Variants in ATP23 observed in about 807,000 individuals in gnomAD.
ATP23 encodes ATP23 metallopeptidase and ATP synthase assembly factor homolog.
ATP23 carries 24 observed loss-of-function variants against 28.5 expected under a neutral mutation model. The ratio of observed to expected loss-of-function variants is 0.84; its 90% CI spans 0.61 to 1.18. ATP23 has a LOEUF of 1.18. Ranked by LOEUF, ATP23 falls within the 50% of genes most tolerant of loss-of-function variation. ATP23 has a pLI of 0.00. For missense variants in ATP23, 274 were observed against 306.4 expected (o/e 0.89, Z 0.79); for synonymous variants, 99 against 108.6 (o/e 0.91, Z 0.55).
intron 3 of ATP23, 79 bp downstream of exon 3, chr12:57,947,155 C>A: frequency 7.4e-7 from 1 of 1,348,112 alleles, no homozygotes. Context: ...ACATGCTCGG[C>A]ATTCTGTTTG....
intron 3 of ATP23, 30 bp downstream of exon 3, chr12:57,947,106 C>T: frequency 2.5e-6 from 4 of 1,592,890 alleles, no homozygotes; most frequent in Non-Finnish European, 3.4e-6. Context: ...TGTTTCCTTC[C>T]CTTTAATCCT....
intron 2 of ATP23, among the ~76,000 whole-genome samples, chr12:57,946,736 G>A (rs919275999): frequency 6.6e-6 from 1 of 152,216 alleles, no homozygotes; most frequent in South Asian, 2.1e-4. Context: ...GATTACAGGC[G>A]TGAGCCACCG....
chr12:57,950,140 C>T (rs772604955), intron 3 of ATP23, among the ~76,000 whole-genome samples: 1 of 152,196 alleles, frequency 6.6e-6, no homozygotes, highest in African/African-American at 2.4e-5. Flanking sequence ...CCTATTCTTC[C>T]AACTATAGTT....
Position 57,941,577 on chromosome 12 carries a change from G to C in ATP23, c.-125G>C. ...CCGCCTAACGTCTTCAGCCCAGCCA[G>C]GCTGCCCTTCTTCCCTGCGGAGGGA... On this transcript the variant is annotated 5_prime_UTR_variant, in exon 1 of 6. Transcript: ENST00000300145. The C allele has an allele frequency of 7.6e-7, 1 of 1,319,610 alleles. No individual in the cohort carries two copies. Among genetic ancestry groups the C allele is most frequent in the East Asian group, 2.6e-5 (1 of 38,396 alleles). The allele number at this position is 1,319,610 out of a possible 1,614,324, so 81.7% of individuals were successfully genotyped here.
At chr12:57,954,288 T>C (rs546693482) in intron 5 of ATP23, among the ~76,000 whole-genome samples, 1 of 152,018 alleles carries the variant, frequency 6.6e-6, no homozygotes, top group East Asian at 1.9e-4. Context: ...TCACAGCATG[T>C]CTTACTGTTA....
chr12:57,948,864 C>CT (rs1212386080), intron 3 of ATP23, among the ~76,000 whole-genome samples: 1 of 152,158 alleles, frequency 6.6e-6, no homozygotes, highest in African/African-American at 2.4e-5. Flanking sequence ...TAGTTGCCTG[C>CT]TTTTGAGCTT....
chr12:57,950,818 T>C (rs997895866), intron 3 of ATP23, among the ~76,000 whole-genome samples: 1 of 152,218 alleles, frequency 6.6e-6, no homozygotes, highest in Non-Finnish European at 1.5e-5. Context: ...CATGAGCCAC[T>C]GCACCCAACC....
chr12:57,957,471 A>G lies in ATP23; in HGVS notation c.*581A>G, dbSNP rs1956879480. 6.6e-6 allele frequency among the ~76,000 whole-genome samples: 1 copy of G among 152,152 alleles called. No individual in the cohort carries two copies. Among genetic ancestry groups the G allele is most frequent in the Non-Finnish European group, 1.5e-5 (1 of 68,022 alleles). ...CGAATTTTAGCTCCAGATCGACTGC[A>G]AGAACAAACCAGCAATACTGAGAGG... is the stretch of plus-strand genomic sequence containing the variant. On this transcript the variant is annotated 3_prime_UTR_variant, in exon 6 of 6. Coordinates refer to ENST00000300145, the MANE Select transcript of ATP23 (RefSeq NM_033276.4).
chr12:57,954,194 CAAA>C (rs11357155), intron 5 of ATP23, among the ~76,000 whole-genome samples: 1 of 71,432 alleles, frequency 1.4e-5, no homozygotes. Flanking sequence ...GACTCCATCT[CAAA>C]AAAAAAAAAA....
At chr12:57,952,674 T>A (rs1055030244) in intron 4 of ATP23, among the ~76,000 whole-genome samples, 2 of 152,228 alleles carry the variant, frequency 1.3e-5, no homozygotes, top group African/African-American at 4.8e-5. Context: ...TGTAGCCCCC[T>A]GCATCTAATT....
intron 3 of ATP23, among the ~76,000 whole-genome samples, chr12:57,947,353 G>T (rs1006194687): frequency 6.6e-6 from 1 of 152,154 alleles, no homozygotes; most frequent in South Asian, 2.1e-4. Context: ...TGATGTGATC[G>T]ATTGAAAGAT....
At chr12:57,953,968 G>A (rs1956840491) in intron 5 of ATP23, among the ~76,000 whole-genome samples, 1 of 152,070 alleles carries the variant, frequency 6.6e-6, no homozygotes, top group Non-Finnish European at 1.5e-5. Flanking sequence ...GCCGAGGCGG[G>A]CGGATCACGA....
At chr12:57,950,125 T>G (rs1956800399) in intron 3 of ATP23, among the ~76,000 whole-genome samples, 1 of 152,238 alleles carries the variant, frequency 6.6e-6, no homozygotes, top group African/African-American at 2.4e-5. Flanking sequence ...TTTGGCCATC[T>G]CCTGCCTATT....
chr12:57,957,465 G>A lies in ATP23; in HGVS notation c.*575G>A, dbSNP rs868000625. Among the ~76,000 whole-genome samples, 5 of 151,956 alleles carry A rather than the reference G, an allele frequency of 3.3e-5. No homozygotes were observed. The highest frequency in any genetic ancestry group is 1.3e-4 in the Admixed American group (2 of 15,262). ...AGTGCTCGAATTTTAGCTCCAGATC[G>A]ACTGCAAGAACAAACCAGCAATACT... On this transcript the variant is annotated 3_prime_UTR_variant, in exon 6 of 6. Coordinates refer to ENST00000300145, the MANE Select transcript of ATP23 (RefSeq NM_033276.4).
intron 2 of ATP23, among the ~76,000 whole-genome samples, chr12:57,945,992 A>G (rs1208531789): frequency 6.6e-6 from 1 of 151,550 alleles, no homozygotes; most frequent in Non-Finnish European, 1.5e-5. Context: ...CAGTCTCCCA[A>G]GTAGCTGGGT....
At chr12:57,945,243 C>CT (rs5798421) in intron 1 of ATP23, among the ~76,000 whole-genome samples, 19,443 of 151,378 alleles carry the variant, frequency 0.13, 2,137 homozygotes, top group African/African-American at 0.3. Context: ...GATAACATTA[C>CT]TTTTTTTTTG....
rs769038792 is a variant in ATP23, at chr12:57,947,091, C to T, written c.315+15C>T. The T allele has an allele frequency of 1.2e-6, 2 of 1,610,192 alleles. No homozygotes were observed. Among genetic ancestry groups the T allele is most frequent in the South Asian group, 2.2e-5 (2 of 90,794 alleles). On this transcript the variant is annotated intron_variant, in intron 3 of 5. Coordinates refer to ENST00000300145, the MANE Select transcript of ATP23 (RefSeq NM_033276.4). ...CAACATCTCAGGTAGGCATTATTGCCAAATTGTTTCCTTCCCTTTAATCCT... is the reference window on the plus strand; with the variant it reads ...CAACATCTCAGGTAGGCATTATTGCTAAATTGTTTCCTTCCCTTTAATCCT...
intron 4 of ATP23, 41 bp from the exon 5 acceptor site, chr12:57,953,565 C>T (rs1415912415): frequency 6.5e-7 from 1 of 1,528,508 alleles, no homozygotes; most frequent in Admixed American, 1.7e-5. Context: ...ATATATAGAG[C>T]ATGAGCGTTT....
At chr12:57,954,828 G>A (rs530657885) in intron 5 of ATP23, among the ~76,000 whole-genome samples, 1 of 83,800 alleles carries the variant, frequency 1.2e-5, no homozygotes, top group African/African-American at 2.8e-5. Context: ...CTCTGGAGTG[G>A]GGGGTGGAAA....
Sources: allele counts gnomAD v4.1 joint callset (sites outside exome capture counted in the v4.1 genomes callset), GRCh38; gene constraint gnomAD v4.1.1; transcripts MANE v1.5; gene names NCBI Gene and HGNC (gene_info 2026-07-23, HGNC 2026-07-21).